The following ASB10 variants were observed in gnomAD, a reference collection of about 807,000 sequenced individuals.
ASB10 encodes ankyrin repeat and SOCS box protein 10.
Under a neutral mutation model 35.4 loss-of-function variants are expected in ASB10, and 44 were observed. That is an observed-to-expected ratio of 1.24 (90% CI 0.98 to 1.60). The LOEUF (loss-of-function observed/expected upper bound fraction) is 1.60. Ranked by LOEUF, ASB10 falls within the 40% of genes most tolerant of loss-of-function variation. ASB10 has a pLI of 0.00. For missense variants in ASB10, 647 were observed against 634.3 expected (o/e 1.02, Z -0.22); for synonymous variants, 294 against 280.4 (o/e 1.05, Z -0.49).
chr7:151,176,345 G>C, intron 4 of ASB10, 48 bp from the exon 5 acceptor site: 1 of 1,513,486 alleles, frequency 6.6e-7, no homozygotes, highest in Non-Finnish European at 8.8e-7. Flanking sequence ...CAGACAGGTA[G>C]CACCGGCTCC....
intron 2 of ASB10, among the ~76,000 whole-genome samples, chr7:151,182,757 C>T (rs188565370): frequency 2.6e-5 from 4 of 152,036 alleles, no homozygotes; most frequent in Admixed American, 2.6e-4. Flanking sequence ...ACAGCTCCAC[C>T]TTCCGAGGTG....
Position 151,186,957 on chromosome 7 carries a change from G to A in ASB10, c.174C>T (p.Phe58=), listed in dbSNP as rs765944558. The change falls in exon 1 of 6, where the codon TTC becomes TTT. Residue 58 remains phenylalanine, a synonymous_variant. Coordinates refer to ENST00000420175, the MANE Select transcript of ASB10 (RefSeq NM_001142459.2). The part of the protein sequence containing the change: ...TRTASGPALA[F]WQAVLAGDVG... ...CGTCCCCAGCCAGCACTGCCTGCCA[G>A]AAGGCAAGGGCAGGTCCTGAGGCTG... 5 of 1,613,882 alleles carry A rather than the reference G, an allele frequency of 3.1e-6. No homozygotes were observed. Among genetic ancestry groups the A allele is most frequent in the Non-Finnish European group, 4.2e-6 (5 of 1,180,010 alleles).
Position 151,176,449 on chromosome 7 carries a change from T to A in ASB10, c.1218+114A>T, listed in dbSNP as rs553307306. 232 of 1,461,936 alleles carry A rather than the reference T, an allele frequency of 1.6e-4. No homozygotes were observed. The African/African-American group carries it at 3.1e-3, about 19-fold the overall frequency. 90.6% of individuals were successfully genotyped at this position (1,461,936 alleles called of 1,614,324 possible). Reference sequence around the variant, plus strand: ...TTGAGTGTTCACTCTGCAAGTTCTCTCTTCTGGGACATGAGTGCATCTTTG... The same window carrying A: ...TTGAGTGTTCACTCTGCAAGTTCTCACTTCTGGGACATGAGTGCATCTTTG... On this transcript the variant is annotated intron_variant, in intron 4 of 5. Transcript: ENST00000420175.
chr7:151,179,314 C>A (rs1801445727), intron 3 of ASB10, among the ~76,000 whole-genome samples: 1 of 152,242 alleles, frequency 6.6e-6, no homozygotes, highest in Admixed American at 6.5e-5. Flanking sequence ...CCAGAGCCTA[C>A]ACTCCTAGTC....
At chr7:151,178,203 C>T (rs542959857) in intron 3 of ASB10, among the ~76,000 whole-genome samples, 12 of 152,236 alleles carry the variant, frequency 7.9e-5, no homozygotes, top group East Asian at 1.9e-4. Flanking sequence ...GAGCCGGGAT[C>T]GTGCCACGGC....
rs750715799 is a variant in ASB10 at position 151,181,327 on chromosome 7, GC to G, written c.715del (p.Ala239HisfsTer145). On this transcript the variant is annotated frameshift_variant, in exon 3 of 6. Coordinates refer to ENST00000420175, the MANE Select transcript of ASB10 (RefSeq NM_001142459.2). LOFTEE classifies it high-confidence loss of function. ...ELADLLLRRGACPDARNAEGW... is the reference protein window; with the variant it reads ...ELADLLLRRGXCPDARNAEGW... Reference sequence around the variant, plus strand: ...TTCGGCATTGCGGGCATCAGGACATGCCCCCCGTCTTAGAAGCAGATCTGCC... The same window carrying G: ...TTCGGCATTGCGGGCATCAGGACATGCCCCCGTCTTAGAAGCAGATCTGCC... 3.1e-6 allele frequency: 5 copies of G among 1,613,200 alleles called. No homozygotes were observed. Among genetic ancestry groups the G allele is most frequent in the African/African-American group, 1.3e-5 (1 of 75,044 alleles).
rs1421898123 is a variant in ASB10 at position 151,185,165 on chromosome 7, G to GT, written c.584+1226dup. Among the ~76,000 whole-genome samples, 11 of 138,572 alleles carry GT rather than the reference G, an allele frequency of 7.9e-5. No individual in the cohort carries two copies. In the East Asian group the frequency reaches 1.3e-3, roughly 16 times the overall value. 90.9% of individuals were successfully genotyped at this position (138,572 alleles called of 152,430 possible). On this transcript the variant is annotated intron_variant, in intron 2 of 5. Coordinates refer to ENST00000420175, the MANE Select transcript of ASB10 (RefSeq NM_001142459.2). ...GTCTCACTTTGTCTCCCAGGCTGGA[G>GT]TGCAGTGGCGCAATCTAATCTCCGC...
chr7:151,181,478 G>T lies in ASB10; in HGVS notation c.585-20C>A. 1.3e-6 allele frequency: 2 copies of T among 1,559,834 alleles called. No individual in the cohort carries two copies. The highest frequency in any genetic ancestry group is 1.4e-5 in the African/African-American group (1 of 73,996). On this transcript the variant is annotated intron_variant, in intron 2 of 5. Coordinates refer to ENST00000420175, the MANE Select transcript of ASB10 (RefSeq NM_001142459.2). ...GCACACCTATTGGGGGGAGACGGTG[G>T]TGGGGAGGAAAGCGGGCACGGACCC... is the stretch of plus-strand genomic sequence containing the variant.
In ASB10 at chr7:151,186,815, T is replaced by G. The variant is rs1259315728; in HGVS notation, c.316A>C (p.Arg106=). The G allele has an allele frequency of 6.3e-7, 1 of 1,589,160 alleles. No homozygotes were observed. The highest frequency in any genetic ancestry group is 1.7e-5 in the Admixed American group (1 of 58,606). The part of the protein sequence containing the change: ...RDFRFNIRAL[R]LWSLTYEEEL... The stretch of plus-strand genomic sequence containing the variant: ...GAGCCCCCAGTGCCCCGGCCCGTAC[T>G]CAGAGCACGGATGTTGAAGCGGAAA... The change falls in exon 1 of 6, where the codon AGA becomes CGA. Residue 106 remains arginine, a splice_region_variant and synonymous_variant. Transcript: ENST00000420175.
chr7:151,179,408 C>T (rs1801447303), intron 3 of ASB10, among the ~76,000 whole-genome samples: 1 of 152,222 alleles, frequency 6.6e-6, no homozygotes, highest in Admixed American at 6.5e-5. Context: ...GGTGTGTAGT[C>T]AAGGCTGTGC....
At chr7:151,182,906 A>G (rs1234636292) in intron 2 of ASB10, among the ~76,000 whole-genome samples, 2 of 152,190 alleles carry the variant, frequency 1.3e-5, no homozygotes, top group Non-Finnish European at 2.9e-5. Context: ...CTGACTTTCT[A>G]TATCTTTAAA....
At chr7:151,187,436 C>G (rs1157789686), upstream of ASB10, 1 of 1,551,002 alleles carries the variant, frequency 6.4e-7, no homozygotes, top group Non-Finnish European at 8.7e-7. This position sits in a 1 kb window ranked among gnomAD's most constrained non-coding sequence, Gnocchi z 5.3. Context: ...CTCAGCAACC[C>G]CCAGATGCCC....
intron 3 of ASB10, among the ~76,000 whole-genome samples, 186 bp from the exon 4 acceptor site, chr7:151,176,862 G>GGTCATTAGGGTGGGCCCTATT (rs1400399706): frequency 6.6e-6 from 1 of 152,218 alleles, no homozygotes; most frequent in Non-Finnish European, 1.5e-5. Flanking sequence ...GTTAAAATGT[G>GGTCATTAGGGTGGGCCCTATT]GTCATTAGGG....
intron 2 of ASB10, among the ~76,000 whole-genome samples, chr7:151,181,919 G>A (rs1254052831): frequency 1.3e-5 from 2 of 152,072 alleles, no homozygotes; most frequent in Admixed American, 1.3e-4. Flanking sequence ...GGCCAACAGT[G>A]TCCTTCTTTA....
chr7:151,184,399 T>TA (rs34834457), intron 2 of ASB10, among the ~76,000 whole-genome samples: 182 of 135,398 alleles, frequency 1.3e-3, no homozygotes, highest in Non-Finnish European at 2.0e-3. Context: ...GGCGACAGAG[T>TA]AAAAAAAAAA....
rs754586694 is a variant in ASB10 at position 151,186,909 on chromosome 7, G to A, written c.222C>T (p.Leu74=). 9 of 1,613,906 alleles carry A rather than the reference G, an allele frequency of 5.6e-6. No individual in the cohort carries two copies. The highest frequency in any genetic ancestry group is 2.2e-5 in the East Asian group (1 of 44,890). ...GAGCCAGGCCAGTACTGGAGTCCGCGAGGATGCGGGAGACACAGCCCACGT... is the reference window on the plus strand; with the variant it reads ...GAGCCAGGCCAGTACTGGAGTCCGCAAGGATGCGGGAGACACAGCCCACGT... The part of the protein sequence containing the change: ...AGDVGCVSRI[L]ADSSTGLAPD... The change falls in exon 1 of 6, where the codon CTC becomes CTT. Residue 74 remains leucine, a synonymous_variant. Transcript: ENST00000420175.
intron 3 of ASB10, among the ~76,000 whole-genome samples, chr7:151,180,123 G>A (rs1042611356): frequency 2.6e-5 from 4 of 152,110 alleles, no homozygotes; most frequent in Non-Finnish European, 4.4e-5. Flanking sequence ...GGGTGGTTTC[G>A]GTTCTGAGCC....
chr7:151,186,365 TG>T, intron 2 of ASB10, 26 bp downstream of exon 2: 1 of 1,560,040 alleles, frequency 6.4e-7, no homozygotes, highest in South Asian at 1.2e-5. Flanking sequence ...AGAGTGGAAC[TG>T]GGGGTTGGGG....
rs1801488601 is a variant in ASB10, at chr7:151,181,347, A to G, written c.696T>C (p.Asp232=). The G allele has an allele frequency of 1.2e-6, 2 of 1,613,078 alleles. No individual in the cohort carries two copies. The highest frequency in any genetic ancestry group is 2.7e-5 in the African/African-American group (2 of 74,916). ...GACATGCCCCCCGTCTTAGAAGCAGATCTGCCAGCTCCACATGGCCAAGCC... is the reference window on the plus strand; with the variant it reads ...GACATGCCCCCCGTCTTAGAAGCAGGTCTGCCAGCTCCACATGGCCAAGCC... The part of the protein sequence containing the change: ...AARLGHVELA[D]LLLRRGACPD... The change falls in exon 3 of 6, where the codon GAT becomes GAC. Residue 232 remains aspartate, a synonymous_variant. Transcript: ENST00000420175.
Sources: gnomAD v4.1 joint callset for allele counts (sites outside exome capture counted in the v4.1 genomes callset) on GRCh38, gnomAD v4.1.1 for gene constraint, Gnocchi (gnomAD v3.1) non-coding constraint, MANE v1.5 for transcripts, NCBI Gene and HGNC (gene_info 2026-07-23, HGNC 2026-07-21) for gene names.